Variants in DZANK1 observed in about 807,000 individuals in gnomAD.
DZANK1 encodes the protein double zinc ribbon and ankyrin repeat-containing protein 1.
Under a neutral mutation model 94.5 loss-of-function variants are expected in DZANK1, and 91 were observed. The observed-to-expected ratio is 0.96, with a 90% CI of 0.81 to 1.15. DZANK1 has a LOEUF of 1.15. Among genes scored for constraint, DZANK1 ranks in the 50% most tolerant of loss-of-function variants. The pLI, the probability that DZANK1 is intolerant of heterozygous loss-of-function variation, is 0.00. For missense variants in DZANK1, 903 were observed against 916.4 expected (o/e 0.99, Z 0.19); for synonymous variants, 312 against 325.3 (o/e 0.96, Z 0.44).
At chr20:18,428,090 G>A (rs1367912144) in intron 9 of DZANK1, among the ~76,000 whole-genome samples, 27 of 150,706 alleles carry the variant, frequency 1.8e-4, no homozygotes, top group Non-Finnish European at 3.4e-4. Flanking sequence ...GGCGGAGCTT[G>A]CAGTGAGCTG....
intron 2 of DZANK1, among the ~76,000 whole-genome samples, chr20:18,464,894 T>G (rs552751543): frequency 6.6e-6 from 1 of 151,942 alleles, no homozygotes; most frequent in South Asian, 2.1e-4. Context: ...AGGCTGGTCT[T>G]GAACTCCTGA....
chr20:18,404,903 C>A (rs2056881426), intron 13 of DZANK1, among the ~76,000 whole-genome samples: 1 of 150,130 alleles, frequency 6.7e-6, no homozygotes, highest in African/African-American at 2.4e-5. Context: ...CAGAGCAAGA[C>A]CTTGACTCTT....
chr20:18,424,971 A>T (rs1242276152), intron 10 of DZANK1, among the ~76,000 whole-genome samples: 1 of 152,238 alleles, frequency 6.6e-6, no homozygotes, highest in Non-Finnish European at 1.5e-5. Context: ...TCCATAAAAG[A>T]CAAAATCATA....
At chr20:18,411,528 G>T (rs2057256131) in intron 13 of DZANK1, among the ~76,000 whole-genome samples, 3 of 151,976 alleles carry the variant, frequency 2.0e-5, no homozygotes, top group African/African-American at 7.2e-5. Context: ...TAGCTTCACA[G>T]GTAATTTACC....
In DZANK1 at chr20:18,394,270, G is replaced by C. The variant is rs370777848; in HGVS notation, c.1692C>G (p.Gly564=). The C allele has an allele frequency of 3.1e-6, 5 of 1,613,414 alleles. No homozygotes were observed. The African/African-American group carries it at 4.0e-5, about 13-fold the overall frequency. Residue 564 remains glycine, a synonymous_variant, in exon 16 of 21, where the codon GGC becomes GGG. Coordinates refer to ENST00000262547, the Ensembl canonical transcript of DZANK1. ...ATAACTCACCCCAGCTGGACCTGCT[G>C]CCGCACAGCCCCCCATCACCCTCGG...
chr20:18,412,596 G>A, intron 13 of DZANK1, 50 bp downstream of exon 13: 5 of 1,542,220 alleles, frequency 3.2e-6, no homozygotes, highest in Non-Finnish European at 4.5e-6. Flanking sequence ...TTCTTTCACA[G>A]AAAGAGTGAA....
At position 18,453,845 on chromosome 20, in the gene DZANK1, G is replaced by A; in HGVS notation, c.379-18C>T. 7.1e-7 allele frequency: 1 copy of A among 1,400,302 alleles called. No homozygotes were observed. The highest frequency in any genetic ancestry group is 1.0e-6 in the Non-Finnish European group (1 of 985,360). The allele number at this position is 1,400,302 out of a possible 1,614,324, so 86.7% of individuals were successfully genotyped here. A position where few individuals can be genotyped will look rare whatever the true frequency, so the allele number is the denominator to read the frequency against. On this transcript the variant is annotated intron_variant, in intron 4 of 20. Transcript: ENST00000262547. ...TTGAATTCCTAGGAATGAAGAGATT[G>A]CATATCAATCACTTGGTTATTCCCA...
chr20:18,423,954 A>G (rs2057911568), intron 10 of DZANK1, among the ~76,000 whole-genome samples: 1 of 152,188 alleles, frequency 6.6e-6, no homozygotes, highest in South Asian at 2.1e-4. Context: ...ATTCAAAAAA[A>G]TAGAGCAAAT....
At chr20:18,443,454 A>T in exon 8 of DZANK1, 1 of 1,478,474 alleles carries the variant, frequency 6.8e-7, no homozygotes, top group Non-Finnish European at 9.0e-7. Flanking sequence ...GGGGCAAGGC[A>T]GTGGGCACAC....
chr20:18,394,844 C>T (rs1323793155), intron 15 of DZANK1: 1 of 456,826 alleles, frequency 2.2e-6, no homozygotes, highest in Non-Finnish European at 4.4e-6. Flanking sequence ...CTTCTCTGAG[C>T]CTCAGTTTCC....
At chr20:18,427,180 C>T (rs752346039) in intron 9 of DZANK1, 21 bp from the exon 10 acceptor site, 2 of 1,583,488 alleles carry the variant, frequency 1.3e-6, no homozygotes, top group Non-Finnish European at 8.7e-7. Context: ...AAAAATAAGA[C>T]ATACATGTTC....
chr20:18,455,134 T>C (rs1413086858), intron 4 of DZANK1, 113 bp downstream of exon 4: 6 of 724,776 alleles, frequency 8.3e-6, no homozygotes, highest in African/African-American at 1.8e-5. Flanking sequence ...ACTTCAGTTA[T>C]AAGGACCTGA....
At position 18,444,962 on chromosome 20, in the gene DZANK1, G is replaced by A. The variant is rs567571018; in HGVS notation, c.630-1498C>T. 1.9e-3 allele frequency among the ~76,000 whole-genome samples: 285 copies of A among 151,954 alleles called. 2 individuals are homozygous for A. Among genetic ancestry groups the A allele is most frequent in the African/African-American group, 6.5e-3 (271 of 41,420 alleles). ...ACTACAGGTGCCTGCCACCAAGCCCGGCTAATTTTTTTTTTTTTGTAGTTT... is the reference window on the plus strand; with the variant it reads ...ACTACAGGTGCCTGCCACCAAGCCCAGCTAATTTTTTTTTTTTTGTAGTTT... On this transcript the variant is annotated intron_variant, in intron 7 of 20. Transcript: ENST00000262547.
At chr20:18,445,653 C>A (rs923971523) in intron 7 of DZANK1, among the ~76,000 whole-genome samples, 1 of 152,144 alleles carries the variant, frequency 6.6e-6, no homozygotes, top group African/African-American at 2.4e-5. Context: ...ATAATCCCAA[C>A]AATTTGGGAG....
intron 2 of DZANK1, among the ~76,000 whole-genome samples, chr20:18,464,595 T>C (rs960350293): frequency 4.0e-5 from 6 of 151,752 alleles, no homozygotes; most frequent in Admixed American, 1.3e-4. Context: ...CTGGAAAGCC[T>C]GTATCAGTAG....
chr20:18,398,209 C>T (rs946382662), intron 14 of DZANK1: 18 of 336,010 alleles, frequency 5.4e-5, no homozygotes, highest in Admixed American at 1.9e-4. Flanking sequence ...TTTAAGTGCA[C>T]GATCTGGATG....
At chr20:18,396,648 C>A in intron 14 of DZANK1, 102 bp from the exon 15 acceptor site, 14 of 738,122 alleles carry the variant, frequency 1.9e-5, no homozygotes, top group Admixed American at 2.9e-5. Flanking sequence ...TAAATTTAAC[C>A]AAATATTTAA....
intron 13 of DZANK1, among the ~76,000 whole-genome samples, chr20:18,408,698 A>G (rs1212665945): frequency 6.6e-6 from 1 of 152,242 alleles, no homozygotes; most frequent in Admixed American, 6.5e-5. Flanking sequence ...AAGGAGAAAC[A>G]AAGATCTTCC....
intron 8 of DZANK1, among the ~76,000 whole-genome samples, chr20:18,434,351 C>A (rs1384998255): frequency 6.6e-6 from 1 of 151,900 alleles, no homozygotes; most frequent in Non-Finnish European, 1.5e-5. Flanking sequence ...TTGAGACCAG[C>A]CTGGTCAACA....
Sources: gnomAD v4.1 joint callset for allele counts (sites outside exome capture counted in the v4.1 genomes callset) on GRCh38, gnomAD v4.1.1 for gene constraint, MANE v1.5 for transcripts, NCBI Gene and HGNC (gene_info 2026-07-23, HGNC 2026-07-21) for gene names.